MINK1: variants seen among roughly 807,000 people sequenced by gnomAD.
MINK1 encodes misshapen like kinase 1, also known as misshapen-like kinase 1.
Under a neutral mutation model 178.4 loss-of-function variants are expected in MINK1, and 46 were observed. That is an observed-to-expected ratio of 0.26 (90% confidence interval 0.20 to 0.33). MINK1 has a LOEUF of 0.33. Ranked by LOEUF, MINK1 falls within the 10% of genes least tolerant of loss-of-function variation. The pLI is 1.00. For missense variants in MINK1, 1,366 were observed against 1,814.9 expected, an observed-to-expected ratio of 0.75 and a Z score of 4.49; for synonymous variants, 797 against 709.7, an observed-to-expected ratio of 1.12 and a Z score of -1.96.
rs1362079135 is a variant in MINK1 at position 4,887,363 on chromosome 17, G to A, written c.1019+184G>A. On this transcript the variant is annotated intron_variant, in intron 11 of 31. Coordinates refer to ENST00000355280, the MANE Select transcript of MINK1 (RefSeq NM_153827.5). This position sits in a 1 kb window ranked among gnomAD's most constrained non-coding sequence, Gnocchi z 7.6. Reference sequence around the variant, plus strand: ...TGACTGAGCAAGAGCTGGGGAGAGAGCAATTTGTGGTGAATGTGGGGCGCA... The same window carrying A: ...TGACTGAGCAAGAGCTGGGGAGAGAACAATTTGTGGTGAATGTGGGGCGCA... Among the ~76,000 whole-genome samples, 2 of 152,142 alleles carry A rather than the reference G, an allele frequency of 1.3e-5. No homozygotes were observed. Among genetic ancestry groups the A allele is most frequent in the African/African-American group, 4.8e-5 (2 of 41,426 alleles).
At position 4,878,385 on chromosome 17, in the gene MINK1, G is replaced by A; in HGVS notation, c.123+3G>A. On this transcript the variant is annotated splice_donor_region_variant and intron_variant, in intron 2 of 31. Transcript: ENST00000355280. ...GAACCTACGGACAGGTGTACAAGGT[G>A]AGACGAATGGTGTGGAAGTATGACC... 6.5e-7 allele frequency: 1 copy of A among 1,536,508 alleles called. No homozygotes were observed. The highest frequency in any genetic ancestry group is 8.7e-7 in the Non-Finnish European group (1 of 1,146,348).
At chr17:4,874,357 G>A (rs1041549585) in intron 1 of MINK1, among the ~76,000 whole-genome samples, 1 of 152,230 alleles carries the variant, frequency 6.6e-6, no homozygotes, top group African/African-American at 2.4e-5. Context: ...ATATTTAGTG[G>A]TTGGATAATA....
chr17:4,895,636 G>C lies in MINK1; in HGVS notation c.3230-62G>C. 1 of 1,590,894 alleles carries C rather than the reference G, an allele frequency of 6.3e-7. No homozygotes were observed. On this transcript the variant is annotated intron_variant, in intron 26 of 31. Transcript: ENST00000355280. The surrounding 1 kb of genome is among the most constrained non-coding windows in gnomAD (Gnocchi z 4.3). ...TGGTATGCTGACAGAGGAGGCCAGG[G>C]CGGTGGCATTCGGGCCTCAGATGAG...
chr17:4,886,006 G>A lies in MINK1; in HGVS notation c.694+41G>A. 6.2e-7 allele frequency: 1 copy of A among 1,612,312 alleles called. No individual in the cohort carries two copies. The highest frequency in any genetic ancestry group is 8.5e-7 in the Non-Finnish European group (1 of 1,178,428). ...GCCGGGAGTGGGAGGGGAGGGAAAGGAAGGGCCCAGAGAGTGGCTGTAGGG... is the reference window on the plus strand; with the variant it reads ...GCCGGGAGTGGGAGGGGAGGGAAAGAAAGGGCCCAGAGAGTGGCTGTAGGG... On this transcript the variant is annotated intron_variant, in intron 8 of 31. Coordinates refer to ENST00000355280, the MANE Select transcript of MINK1 (RefSeq NM_153827.5). The surrounding 1 kb of genome is among the most constrained non-coding windows in gnomAD (Gnocchi z 6.1).
At position 4,894,815 on chromosome 17, in the gene MINK1, A is replaced by G; in HGVS notation, c.2917+182A>G. The G allele has an allele frequency of 1.6e-6, 1 of 633,918 alleles. No individual in the cohort carries two copies. The highest frequency in any genetic ancestry group is 2.9e-5 in the Admixed American group (1 of 34,356). 39.3% of individuals were successfully genotyped at this position (633,918 alleles called of 1,614,324 possible). On this transcript the variant is annotated intron_variant, in intron 24 of 31. Transcript: ENST00000355280. This position sits in a 1 kb window ranked among gnomAD's most constrained non-coding sequence, Gnocchi z 4.1. ...CTGAGACCCCTCCTTCCTGTCCCAC[A>G]GGACAGGAAATGCTCAGAGTTGCCA...
At chr17:4,862,849 C>T (rs76031775) in intron 1 of MINK1, among the ~76,000 whole-genome samples, 20,108 of 151,812 alleles carry the variant, frequency 0.13, 1,623 homozygotes, top group African/African-American at 0.23. Flanking sequence ...CTGGGCAACA[C>T]AGTGAGATCC....
intron 4 of MINK1, 96 bp from the exon 5 acceptor site, chr17:4,884,267 T>A: frequency 1.1e-6 from 1 of 936,856 alleles, no homozygotes; most frequent in Non-Finnish European, 1.7e-6. Flanking sequence ...CCAAGGTCTC[T>A]TATCCTCCTC....
At chr17:4,897,110 T>C in intron 31 of MINK1, 94 bp from the exon 32 acceptor site, 2 of 1,115,092 alleles carry the variant, frequency 1.8e-6, no homozygotes, top group South Asian at 2.8e-5. Flanking sequence ...CTCCCTCAAC[T>C]CTTCTGCCAC....
intron 1 of MINK1, chr17:4,844,639 G>A (rs532468170): frequency 2.1e-6 from 1 of 472,706 alleles, no homozygotes; most frequent in South Asian, 1.5e-5. Flanking sequence ...GAGCTCCACG[G>A]GGCTCGTACC....
At chr17:4,842,529 A>G (rs1910408515) in intron 1 of MINK1, among the ~76,000 whole-genome samples, 1 of 152,258 alleles carries the variant, frequency 6.6e-6, no homozygotes, top group South Asian at 2.1e-4. Context: ...TTTGTCTGCT[A>G]GCATACCTCT....
chr17:4,896,568 G>C lies in MINK1; in HGVS notation c.3755G>C (p.Gly1252Ala). The C allele has an allele frequency of 6.2e-7, 1 of 1,613,928 alleles. No individual in the cohort carries two copies. The highest frequency in any genetic ancestry group is 8.5e-7 in the Non-Finnish European group (1 of 1,179,860). ...RIIKDVVLQWGEMPTSVAYIC... is the reference protein window; with the variant it reads ...RIIKDVVLQWAEMPTSVAYIC... Reference sequence around the variant, plus strand: ...ATTAAGGATGTGGTGCTGCAGTGGGGGGAGATGCCTACTTCTGTGGGTGAG... The same window carrying C: ...ATTAAGGATGTGGTGCTGCAGTGGGCGGAGATGCCTACTTCTGTGGGTGAG... The change falls in exon 30 of 32, where the codon GGG becomes GCG. Residue 1252 changes from glycine (G) to alanine (A), a missense_variant. Transcript: ENST00000355280. The surrounding 1 kb of genome is among the most constrained non-coding windows in gnomAD (Gnocchi z 4.6).
intron 1 of MINK1, among the ~76,000 whole-genome samples, chr17:4,840,126 T>C (rs1261021404): frequency 3.3e-5 from 5 of 152,100 alleles, no homozygotes; most frequent in Admixed American, 3.3e-4. Context: ...AGACAAAACT[T>C]TTATAAGACA....
At chr17:4,889,270 A>G (rs1345090712) in intron 12 of MINK1, among the ~76,000 whole-genome samples, 1 of 152,202 alleles carries the variant, frequency 6.6e-6, no homozygotes, top group African/African-American at 2.4e-5. Flanking sequence ...GCCAAAGGCT[A>G]TCACTACGAC....
chr17:4,846,794 C>A (rs138761676), intron 1 of MINK1, among the ~76,000 whole-genome samples: 70 of 152,232 alleles, frequency 4.6e-4, no homozygotes, highest in Admixed American at 5.2e-4. Flanking sequence ...CCTCTGCCCC[C>A]CAAAGTGCTA....
At position 4,861,924 on chromosome 17, in the gene MINK1, C is replaced by T. The variant is rs150611291; in HGVS notation, c.58-16393C>T. Among the ~76,000 whole-genome samples, 34 of 152,274 alleles carry T rather than the reference C, an allele frequency of 2.2e-4. No homozygotes were observed. The East Asian group carries it at 2.3e-3, about 10-fold the overall frequency. On this transcript the variant is annotated intron_variant, in intron 1 of 31. Coordinates refer to ENST00000355280, the MANE Select transcript of MINK1 (RefSeq NM_153827.5). ...ACTGTTACCCCACATGCTCACTATG[C>T]GACAATAGTCGTTTTGTGTATGTTA...
chr17:4,860,619 G>A (rs1270377168), intron 1 of MINK1: 1 of 469,478 alleles, frequency 2.1e-6, no homozygotes, highest in Non-Finnish European at 4.3e-6. Flanking sequence ...GAGCTGCAAC[G>A]GGCTCACATT....
chr17:4,866,771 C>G (rs950748433), intron 1 of MINK1, among the ~76,000 whole-genome samples: 3 of 148,474 alleles, frequency 2.0e-5, no homozygotes, highest in Non-Finnish European at 4.5e-5. Context: ...CACTGCATCT[C>G]AATTAAAAAA....
At chr17:4,837,949 C>A (rs998569969) in intron 1 of MINK1, among the ~76,000 whole-genome samples, 1 of 151,988 alleles carries the variant, frequency 6.6e-6, no homozygotes, top group African/African-American at 2.4e-5. Context: ...TCTCTTCATG[C>A]GGCTGTGGAG....
In MINK1 at chr17:4,833,427, C is replaced by T. The variant is rs1430400686; in HGVS notation, c.-157C>T. ...AGATAGCGCCTGTCAGTCGGTGGGT[C>T]GGTCCTCGCGCCGGCCCTCCCCCTC... On this transcript the variant is annotated 5_prime_UTR_variant, in exon 1 of 32. Transcript: ENST00000355280. This position sits in a 1 kb window ranked among gnomAD's most constrained non-coding sequence, Gnocchi z 4.8. 2 of 569,918 alleles carry T rather than the reference C, an allele frequency of 3.5e-6. No homozygotes were observed. Among genetic ancestry groups the T allele is most frequent in the Non-Finnish European group, 6.0e-6 (2 of 330,984 alleles). The allele number at this position is 569,918 out of a possible 1,614,324, so 35.3% of individuals were successfully genotyped here.
Sources: allele counts gnomAD v4.1 joint callset (sites outside exome capture counted in the v4.1 genomes callset), GRCh38; gene constraint gnomAD v4.1.1; non-coding constraint Gnocchi (gnomAD v3.1); transcripts MANE v1.5; gene names NCBI Gene and HGNC (gene_info 2026-07-23, HGNC 2026-07-21).